The following MFF variants were observed in gnomAD, a reference collection of about 807,000 sequenced individuals.
MFF encodes the protein chromosome 2 open reading frame 33.
Under a neutral mutation model 36.9 loss-of-function variants are expected in MFF, and 12 were observed. The ratio of observed to expected loss-of-function variants is 0.33; its 90% CI spans 0.21 to 0.53. MFF has a LOEUF of 0.53. Among genes scored for constraint, MFF ranks in the 20% least tolerant of loss-of-function variants. The probability of loss-of-function intolerance (pLI) is 0.95; values close to 1 mark genes in which losing one functional copy is unlikely to be tolerated. For missense variants in MFF, 348 were observed against 366.6 expected, an observed-to-expected ratio of 0.95 and a Z score of 0.42; for synonymous variants, 99 against 126.2, an observed-to-expected ratio of 0.78 and a Z score of 1.44.
intron 6 of MFF, among the ~76,000 whole-genome samples, chr2:227,348,094 T>C (rs1440317646): frequency 6.6e-6 from 1 of 152,200 alleles, no homozygotes; most frequent in African/African-American, 2.4e-5. Context: ...GTGGGAAAGA[T>C]AGAGTCAATT....
intron 3 of MFF, among the ~76,000 whole-genome samples, chr2:227,331,974 T>TTA: frequency 7.6e-6 from 1 of 131,208 alleles, no homozygotes; most frequent in South Asian, 2.7e-4. Context: ...TTTTTTTTTT[T>TTA]TTTTTTTTTT....
intron 6 of MFF, among the ~76,000 whole-genome samples, chr2:227,348,406 G>A (rs1264076867): frequency 6.6e-6 from 1 of 152,098 alleles, no homozygotes; most frequent in Non-Finnish European, 1.5e-5. Context: ...CCTTCCCAGA[G>A]TTGACCTAGT....
rs754760356 is a variant in MFF, at chr2:227,332,601, T to G, written c.351+13T>G. The G allele has an allele frequency of 6.4e-7, 1 of 1,557,282 alleles. No homozygotes were observed. The highest frequency in any genetic ancestry group is 1.8e-5 in the Admixed American group (1 of 55,058). On this transcript the variant is annotated intron_variant, in intron 4 of 8. Transcript: ENST00000304593. ...TCAAAATGAAGAAGTAAGTAGAACT[T>G]TAGTATCACCGGAATTTGAAATAAT...
chr2:227,330,586 T>C (rs770994567), intron 2 of MFF, 40 bp from the exon 3 acceptor site: 2 of 1,289,498 alleles, frequency 1.6e-6, no homozygotes, highest in Non-Finnish European at 2.1e-6. Context: ...GAGACTGACA[T>C]TTTAACAGTC....
Position 227,356,972 on chromosome 2 carries a change from T to C in MFF, c.745-14T>C, listed in dbSNP as rs766645775. 1 of 1,553,038 alleles carries C rather than the reference T, an allele frequency of 6.4e-7. No homozygotes were observed. Among genetic ancestry groups the C allele is most frequent in the Non-Finnish European group, 8.7e-7 (1 of 1,143,632 alleles). ...CTCTATATTATATTTTTTGTGTGTT[T>C]GTTTTTCACTTAGATAATCAAACTA... On this transcript the variant is annotated splice_polypyrimidine_tract_variant and intron_variant, in intron 8 of 8. Coordinates refer to ENST00000304593, the MANE Select transcript of MFF (RefSeq NM_001277062.2).
chr2:227,346,218 ATTC>A (rs2075703247), intron 5 of MFF: 1 of 167,014 alleles, frequency 6.0e-6, no homozygotes, highest in Non-Finnish European at 1.5e-5. Flanking sequence ...CTTTGTTTTT[ATTC>A]TTTCAGATGT....
At chr2:227,335,268 G>T (rs1443277618) in intron 4 of MFF, among the ~76,000 whole-genome samples, 2 of 151,616 alleles carry the variant, frequency 1.3e-5, no homozygotes, top group African/African-American at 4.9e-5. Flanking sequence ...GCCATATATT[G>T]CATTTTTCTA....
chr2:227,333,218 C>A (rs1453548248), intron 4 of MFF, among the ~76,000 whole-genome samples: 1 of 152,174 alleles, frequency 6.6e-6, no homozygotes, highest in African/African-American at 2.4e-5. Context: ...TAGTATGAGA[C>A]AATGTGCAAA....
Position 227,328,721 on chromosome 2 carries a change from G to A in MFF, c.-109G>A, listed in dbSNP as rs1468318198. ...ATCCAGCACATGCACATTGAAGCAA[G>A]TTAAAGGATTTAATATGAAGCACAG... is the stretch of plus-strand genomic sequence containing the variant. On this transcript the variant is annotated 5_prime_UTR_variant, in exon 2 of 9. Coordinates refer to ENST00000304593, the MANE Select transcript of MFF (RefSeq NM_001277062.2). 1 of 175,854 alleles carries A rather than the reference G, an allele frequency of 5.7e-6. No homozygotes were observed. The highest frequency in any genetic ancestry group is 1.3e-5 in the Non-Finnish European group (1 of 79,594). 10.9% of individuals were successfully genotyped at this position (175,854 alleles called of 1,614,324 possible). A position where few individuals can be genotyped will look rare whatever the true frequency, so the allele number is the denominator to read the frequency against.
intron 1 of MFF, among the ~76,000 whole-genome samples, chr2:227,326,326 TTG>T (rs1366257209): frequency 6.6e-6 from 1 of 152,042 alleles, no homozygotes; most frequent in Non-Finnish European, 1.5e-5. Context: ...CACAAATGTT[TTG>T]TCTCCCTGCG....
At chr2:227,337,469 C>T (rs2075092526) in intron 4 of MFF, among the ~76,000 whole-genome samples, 1 of 152,170 alleles carries the variant, frequency 6.6e-6, no homozygotes, top group Non-Finnish European at 1.5e-5. Flanking sequence ...AAGAGGTGGG[C>T]TTTGAACAGA....
intron 6 of MFF, among the ~76,000 whole-genome samples, chr2:227,347,732 C>T (rs1287524244): frequency 2.6e-5 from 4 of 152,158 alleles, no homozygotes; most frequent in Non-Finnish European, 5.9e-5. Flanking sequence ...TACTAGTCCT[C>T]GTTAGTCTTT....
At chr2:227,341,579 A>T (rs971379505) in intron 5 of MFF, among the ~76,000 whole-genome samples, 4 of 152,086 alleles carry the variant, frequency 2.6e-5, no homozygotes, top group South Asian at 4.1e-4. Flanking sequence ...TTTTCCCTAA[A>T]GGTATCTGGT....
intron 5 of MFF, among the ~76,000 whole-genome samples, chr2:227,344,359 A>G (rs1221029219): frequency 6.6e-6 from 1 of 152,148 alleles, no homozygotes. Flanking sequence ...ATTTTCCACA[A>G]TAGTTCACTT....
intron 2 of MFF, chr2:227,329,534 T>C (rs894254615): frequency 1.9e-5 from 8 of 426,222 alleles, no homozygotes; most frequent in African/African-American, 1.2e-4. Flanking sequence ...TACGTAGATA[T>C]TTACTTTTAT....
intron 2 of MFF, chr2:227,329,945 T>G: frequency 2.0e-6 from 1 of 506,772 alleles, no homozygotes; most frequent in Non-Finnish European, 3.5e-6. Context: ...CACATGTAAA[T>G]ATGATATTAA....
At chr2:227,354,985 A>G (rs1275537852) in intron 7 of MFF, among the ~76,000 whole-genome samples, 1 of 152,052 alleles carries the variant, frequency 6.6e-6, no homozygotes, top group Non-Finnish European at 1.5e-5. Context: ...AAATGGTGAA[A>G]CCCCATCTCT....
chr2:227,347,322 T>A lies in MFF; in HGVS notation c.537T>A (p.Leu179=). ...CCTCTGCTCGTGGCATTTTGTCGCT[T>A]ATCCAGTCTTCTACTCGTAGGGCAT... The part of the protein sequence containing the change: ...NLSSARGILS[L]IQSSTRRAYQ... Residue 179 remains leucine, a synonymous_variant, in exon 6 of 9, where the codon CTT becomes CTA. Transcript: ENST00000304593. 6.2e-7 allele frequency: 1 copy of A among 1,613,854 alleles called. No homozygotes were observed. Among genetic ancestry groups the A allele is most frequent in the Non-Finnish European group, 8.5e-7 (1 of 1,179,780 alleles).
intron 7 of MFF, among the ~76,000 whole-genome samples, chr2:227,353,850 A>G (rs1002977372): frequency 6.6e-6 from 1 of 152,204 alleles, no homozygotes; most frequent in Admixed American, 6.5e-5. Context: ...TGTTCAGTTC[A>G]GATCCCTTTA....
Sources: allele counts gnomAD v4.1 joint callset (sites outside exome capture counted in the v4.1 genomes callset), GRCh38; gene constraint gnomAD v4.1.1; transcripts MANE v1.5; gene names NCBI Gene and HGNC (gene_info 2026-07-23, HGNC 2026-07-21).